Variants in SVOPL observed in about 807,000 individuals in gnomAD.
SVOPL encodes SVOP like.
A neutral mutation model predicts 61.0 loss-of-function variants in SVOPL; 60 were observed. That is an observed-to-expected ratio of 0.98 (90% CI 0.80 to 1.22). The LOEUF (loss-of-function observed/expected upper bound fraction) is 1.22. SVOPL is among the 50% of genes most tolerant of loss of function. SVOPL has a pLI of 0.00. For synonymous variants in SVOPL, 279 were observed against 250.0 expected, an observed-to-expected ratio of 1.12 and a Z score of -1.09; for missense variants, 662 against 643.9, an observed-to-expected ratio of 1.03 and a Z score of -0.30.
intron 14 of SVOPL, among the ~76,000 whole-genome samples, chr7:138,613,748 G>A (rs552336540): frequency 1.3e-5 from 2 of 152,212 alleles, no homozygotes; most frequent in South Asian, 4.1e-4. Context: ...TTGAATGTAA[G>A]CCTCTTGAGG....
At chr7:138,640,838 A>G (rs1800746455) in intron 9 of SVOPL, among the ~76,000 whole-genome samples, 2 of 152,250 alleles carry the variant, frequency 1.3e-5, no homozygotes, top group Middle Eastern at 3.4e-3. Context: ...GACAGGATCA[A>G]TCATACCCCA....
chr7:138,596,188 T>TAAAAA (rs34972084), intron 15 of SVOPL, among the ~76,000 whole-genome samples: 5 of 120,340 alleles, frequency 4.2e-5, no homozygotes, highest in Admixed American at 9.0e-5. Flanking sequence ...GACTCTGTCT[T>TAAAAA]AAAAAAAAAA....
Position 138,623,889 on chromosome 7 carries a change from G to A in SVOPL, c.1263+2080C>T, listed in dbSNP as rs182907957. 1.4e-4 allele frequency among the ~76,000 whole-genome samples: 22 copies of A among 151,936 alleles called. No individual in the cohort carries two copies. In the East Asian group the frequency reaches 3.1e-3, roughly 21 times the overall value. ...GGCTGCAGTGCAGTGGCTCGGTTTC[G>A]ACTCACCGCAACCTTTGCCCCCCAG... On this transcript the variant is annotated intron_variant, in intron 13 of 15. Coordinates refer to ENST00000674285, the MANE Select transcript of SVOPL (RefSeq NM_001139456.2).
rs58548155 is a variant in SVOPL at position 138,619,862 on chromosome 7, C to T, written c.1353+1184G>A. 5.3e-5 allele frequency among the ~76,000 whole-genome samples: 8 copies of T among 152,162 alleles called. No homozygotes were observed. In the East Asian group the frequency reaches 5.8e-4, roughly 11 times the overall value. On this transcript the variant is annotated intron_variant, in intron 14 of 15. Coordinates refer to ENST00000674285, the MANE Select transcript of SVOPL (RefSeq NM_001139456.2). Reference sequence around the variant, plus strand: ...AATCAGTGTCTTCCAGAGGCCAGAGCGAAGGGTTTGTGTTCGGGATTTGTG... The same window carrying T: ...AATCAGTGTCTTCCAGAGGCCAGAGTGAAGGGTTTGTGTTCGGGATTTGTG...
intron 14 of SVOPL, among the ~76,000 whole-genome samples, chr7:138,598,122 T>C (rs1020530808): frequency 6.6e-6 from 1 of 152,194 alleles, no homozygotes; most frequent in African/African-American, 2.4e-5. Flanking sequence ...ATTATAAAAA[T>C]CATTTTGGAA....
At chr7:138,687,743 A>T (rs887273765) in intron 1 of SVOPL, among the ~76,000 whole-genome samples, 3 of 151,174 alleles carry the variant, frequency 2.0e-5, no homozygotes, top group African/African-American at 7.3e-5. Context: ...CATATACCTG[A>T]TAAGAGTGTA....
In SVOPL at chr7:138,661,864, A is replaced by G. The variant is rs566241717; in HGVS notation, c.345+1210T>C. On this transcript the variant is annotated intron_variant, in intron 5 of 15. Coordinates refer to ENST00000674285, the MANE Select transcript of SVOPL (RefSeq NM_001139456.2). Reference sequence around the variant, plus strand: ...CCAAATAAACTCCCTACTTATATTAATTTCGTCTCTGTTTCTTCCTTTAGG... The same window carrying G: ...CCAAATAAACTCCCTACTTATATTAGTTTCGTCTCTGTTTCTTCCTTTAGG... 1.2e-5 allele frequency: 12 copies of G among 984,458 alleles called. No homozygotes were observed. In the East Asian group the frequency reaches 5.9e-4, roughly 49 times the overall value. The allele number at this position is 984,458 out of a possible 1,614,324, so 61.0% of individuals were successfully genotyped here.
At position 138,647,859 on chromosome 7, in the gene SVOPL, A is replaced by C. The variant is rs971994958; in HGVS notation, c.660+1153T>G. On this transcript the variant is annotated intron_variant, in intron 8 of 15. Coordinates refer to ENST00000674285, the MANE Select transcript of SVOPL (RefSeq NM_001139456.2). ...TAAGACTCCGTTTCAAAAAAAAAAA[A>C]AAAAAAAATAGTCACATGCCTGAAG... Among the ~76,000 whole-genome samples the C allele has an allele frequency of 8.0e-5, 12 of 150,432 alleles. No individual in the cohort carries two copies. In the East Asian group the frequency reaches 2.2e-3, roughly 27 times the overall value.
intron 5 of SVOPL, chr7:138,662,175 T>A (rs1387789858): frequency 1.0e-6 from 1 of 985,364 alleles, no homozygotes; most frequent in African/African-American, 1.7e-5. Flanking sequence ...TGCAGAGAAC[T>A]TCTGCTTTCT....
intron 4 of SVOPL, among the ~76,000 whole-genome samples, chr7:138,669,962 T>C (rs1225429904): frequency 2.0e-5 from 3 of 152,192 alleles, no homozygotes; most frequent in Non-Finnish European, 2.9e-5. Context: ...AAATCAACCT[T>C]TCTCTCCCCA....
chr7:138,667,368 C>G (rs1204153614), intron 4 of SVOPL, among the ~76,000 whole-genome samples: 1 of 152,108 alleles, frequency 6.6e-6, no homozygotes, highest in African/African-American at 2.4e-5. Context: ...GGTTTTCTAT[C>G]TAAGTCTAGC....
At chr7:138,668,752 C>A (rs745330038) in intron 4 of SVOPL, among the ~76,000 whole-genome samples, 1 of 152,334 alleles carries the variant, frequency 6.6e-6, no homozygotes, top group Non-Finnish European at 1.5e-5. Flanking sequence ...CCTTCCCCTG[C>A]CACCTTCCGG....
chr7:138,628,831 G>A (rs1196185970), intron 10 of SVOPL, among the ~76,000 whole-genome samples: 1 of 152,068 alleles, frequency 6.6e-6, no homozygotes, highest in Non-Finnish European at 1.5e-5. Context: ...TGTTTATCTG[G>A]TATATGTTTT....
At chr7:138,663,312 T>A in intron 4 of SVOPL, 167 bp from the exon 5 acceptor site, 1 of 1,443,606 alleles carries the variant, frequency 6.9e-7, no homozygotes, top group Non-Finnish European at 9.1e-7. Context: ...CCCTTCATGT[T>A]CAGGATTTCA....
At chr7:138,642,700 C>T (rs189407951) in intron 9 of SVOPL, among the ~76,000 whole-genome samples, 9 of 151,372 alleles carry the variant, frequency 5.9e-5, no homozygotes, top group East Asian at 3.9e-4. Context: ...GTTGGTGGCT[C>T]GCACTGATAG....
intron 7 of SVOPL, among the ~76,000 whole-genome samples, chr7:138,655,164 T>C (rs1481194413): frequency 6.6e-6 from 1 of 151,418 alleles, no homozygotes; most frequent in Non-Finnish European, 1.5e-5. Flanking sequence ...AACTCCAGCC[T>C]GGGTGACAGA....
chr7:138,646,781 A>G (rs978178385), intron 8 of SVOPL, among the ~76,000 whole-genome samples: 6 of 152,144 alleles, frequency 3.9e-5, no homozygotes, highest in African/African-American at 1.4e-4. Context: ...GGTTTTCTAA[A>G]GTGCTGGGAT....
At chr7:138,618,896 TACAGGAGGCTAA>T (rs1371410292) in intron 14 of SVOPL, among the ~76,000 whole-genome samples, 2 of 152,124 alleles carry the variant, frequency 1.3e-5, no homozygotes, top group Non-Finnish European at 2.9e-5. Flanking sequence ...CCAGGTGGGC[TACAGGAGGCTAA>T]ACAGAGCAGG....
intron 9 of SVOPL, among the ~76,000 whole-genome samples, chr7:138,641,821 T>TATATATATATATAC (rs1266416372): frequency 7.2e-6 from 1 of 138,834 alleles, no homozygotes; most frequent in East Asian, 2.4e-4. Context: ...ATGTTATATA[T>TATATATATATATAC]ATATATATAT....
Sources: allele counts gnomAD v4.1 joint callset (sites outside exome capture counted in the v4.1 genomes callset), GRCh38; gene constraint gnomAD v4.1.1; transcripts MANE v1.5; gene names NCBI Gene and HGNC (gene_info 2026-07-23, HGNC 2026-07-21).